Variants in ZNF484 observed in about 807,000 individuals in gnomAD.
ZNF484 encodes KRAB box containing C2H2 type zinc finger bA526D8.4.
Under a neutral mutation model 12.9 loss-of-function variants are expected in ZNF484, and 11 were observed. The ratio of observed to expected loss-of-function variants is 0.85; its 90% CI spans 0.54 to 1.41. The LOEUF (loss-of-function observed/expected upper bound fraction) is 1.41. Among genes scored for constraint, ZNF484 ranks in the 40% most tolerant of loss-of-function variants. ZNF484 has a pLI of 0.00. For missense variants in ZNF484, 807 were observed against 1,007.7 expected, an observed-to-expected ratio of 0.80 and a Z score of 2.70; for synonymous variants, 289 against 334.1, an observed-to-expected ratio of 0.86 and a Z score of 1.47.
rs923208827 is a variant in ZNF484 at position 92,844,377 on chromosome 9, G to T, written c.*1851C>A. 3.3e-5 allele frequency among the ~76,000 whole-genome samples: 5 copies of T among 152,034 alleles called. No homozygotes were observed. The highest frequency in any genetic ancestry group is 1.2e-4 in the African/African-American group (5 of 41,400). The stretch of plus-strand genomic sequence containing the variant: ...CATAATTTGAATAGATAATAGCTAG[G>T]AATTTCCCCAAATGCACATGTGCAC... On this transcript the variant is annotated 3_prime_UTR_variant, in exon 5 of 5. Transcript: ENST00000375495.
chr9:92,868,315 G>C (rs1204737700), intron 2 of ZNF484, among the ~76,000 whole-genome samples: 1 of 152,146 alleles, frequency 6.6e-6, no homozygotes, highest in East Asian at 1.9e-4. Flanking sequence ...ACTCCAAGAG[G>C]AGTTTCTTTA....
chr9:92,847,677 G>C lies in ZNF484; in HGVS notation c.1110C>G (p.Asn370Lys), dbSNP rs375022929. Residue 370 changes from asparagine (N) to lysine (K), a missense_variant, in exon 5 of 5, where the codon AAC becomes AAG. By Grantham distance (94) the Asn-to-Lys change is moderately conservative (BLOSUM62 0). Transcript: ENST00000375495. ...TATGAATTTTTTTATGTATATTAAG[G>C]TTTGAATTCTGAGGGAGGTTTTTCT... Reference protein sequence around the residue: ...ECEKNLPQNSNLNIHKKIHTG... With the variant: ...ECEKNLPQNSKLNIHKKIHTG... 6 of 1,613,246 alleles carry C rather than the reference G, an allele frequency of 3.7e-6. No homozygotes were observed. The highest frequency in any genetic ancestry group is 5.1e-6 in the Non-Finnish European group (6 of 1,179,932).
intron 2 of ZNF484, among the ~76,000 whole-genome samples, chr9:92,859,923 A>T (rs1311917364): frequency 6.6e-6 from 1 of 151,206 alleles, no homozygotes; most frequent in Admixed American, 6.6e-5. Flanking sequence ...TATGGACAGC[A>T]CTTACTTCTC....
intron 2 of ZNF484, chr9:92,862,047 G>T: frequency 3.5e-6 from 2 of 563,404 alleles, no homozygotes; most frequent in Non-Finnish European, 4.5e-6. Context: ...TTCAAGTGCT[G>T]AAGAGAAAGA....
chr9:92,875,346 T>C (rs1372815791), intron 1 of ZNF484, among the ~76,000 whole-genome samples: 2 of 152,234 alleles, frequency 1.3e-5, no homozygotes, highest in Non-Finnish European at 2.9e-5. Context: ...TCTATTACGT[T>C]ATTATACTAT....
intron 2 of ZNF484, among the ~76,000 whole-genome samples, chr9:92,870,992 A>G (rs1857396585): frequency 6.6e-6 from 1 of 152,222 alleles, no homozygotes; most frequent in African/African-American, 2.4e-5. Context: ...AGAGGACTCA[A>G]ATAAGATCTA....
At chr9:92,862,741 T>C (rs1856848198) in intron 2 of ZNF484, among the ~76,000 whole-genome samples, 1 of 152,148 alleles carries the variant, frequency 6.6e-6, no homozygotes, top group Non-Finnish European at 1.5e-5. Flanking sequence ...GAAAAGATTA[T>C]TAGATTTATG....
chr9:92,870,568 G>A lies in ZNF484; in HGVS notation c.15+4447C>T, dbSNP rs559523568. ...TTTCATCTCTGCACAGTGGTAATGG[G>A]TAGCTTTCTTGCCATGCCAGTGGGA... On this transcript the variant is annotated intron_variant, in intron 2 of 4. Coordinates refer to ENST00000375495, the MANE Select transcript of ZNF484 (RefSeq NM_031486.4). Among the ~76,000 whole-genome samples the A allele has an allele frequency of 2.6e-5, 4 of 152,306 alleles. No individual in the cohort carries two copies. In the East Asian group the frequency reaches 7.7e-4, roughly 29 times the overall value.
chr9:92,860,019 G>A (rs1235667656), intron 2 of ZNF484, among the ~76,000 whole-genome samples: 4 of 152,136 alleles, frequency 2.6e-5, no homozygotes, highest in African/African-American at 9.7e-5. Context: ...AGTTTTTACT[G>A]AGACTTGATC....
At chr9:92,876,095 T>A (rs1199163248) in intron 1 of ZNF484, among the ~76,000 whole-genome samples, 1 of 152,106 alleles carries the variant, frequency 6.6e-6, no homozygotes, top group Admixed American at 6.6e-5. Flanking sequence ...AAATCTTGAA[T>A]AGGAAAATAT....
At chr9:92,877,504 T>A (rs1857894530) in intron 1 of ZNF484, among the ~76,000 whole-genome samples, 1 of 152,128 alleles carries the variant, frequency 6.6e-6, no homozygotes, top group Admixed American at 6.5e-5. Flanking sequence ...GCAAAATATA[T>A]CATTATAATG....
chr9:92,871,999 T>A (rs1405807728), intron 2 of ZNF484, among the ~76,000 whole-genome samples: 1 of 151,992 alleles, frequency 6.6e-6, no homozygotes. Context: ...GGAGGGCCAA[T>A]GCGGGCGGAT....
At position 92,877,794 on chromosome 9, in the gene ZNF484, A is replaced by C. The variant is rs1241978208; in HGVS notation, c.-31+96T>G. 5.9e-6 allele frequency: 9 copies of C among 1,535,474 alleles called. No homozygotes were observed. In the South Asian group the frequency reaches 1.1e-4, roughly 18 times the overall value. On this transcript the variant is annotated intron_variant, in intron 1 of 4. Coordinates refer to ENST00000375495, the MANE Select transcript of ZNF484 (RefSeq NM_031486.4). ...AGATCGCTCCGACTTCCACTATTCC[A>C]TCCACTGACCGACCCCATCACTGAC...
chr9:92,862,252 T>C (rs1245534813), intron 2 of ZNF484: 7 of 509,052 alleles, frequency 1.4e-5, no homozygotes, highest in Non-Finnish European at 1.8e-5. Context: ...ACCTGCCATA[T>C]ATTTACTAAG....
chr9:92,856,926 G>A (rs1587742462), intron 2 of ZNF484, among the ~76,000 whole-genome samples: 1 of 152,232 alleles, frequency 6.6e-6, no homozygotes, highest in South Asian at 2.1e-4. Context: ...GGGTTTCACC[G>A]TGTTAGCCAG....
chr9:92,862,248 C>T (rs1856823869), intron 2 of ZNF484: 1 of 516,054 alleles, frequency 1.9e-6, no homozygotes, highest in South Asian at 8.5e-5. Context: ...AATTACCTGC[C>T]ATATATTTAC....
In ZNF484 at chr9:92,877,816, T is replaced by A. The variant is rs944621390; in HGVS notation, c.-31+74A>T. On this transcript the variant is annotated intron_variant, in intron 1 of 4. Transcript: ENST00000375495. The stretch of plus-strand genomic sequence containing the variant: ...TCCATCCACTGACCGACCCCATCAC[T>A]GACCGGAAGGCTCAGGACAGACATC... 2.0e-6 allele frequency: 3 copies of A among 1,535,706 alleles called. No homozygotes were observed. The African/African-American group carries it at 4.1e-5, about 21-fold the overall frequency.
At chr9:92,856,099 C>T (rs1856432044) in intron 3 of ZNF484, 93 bp downstream of exon 3, 2 of 1,541,982 alleles carry the variant, frequency 1.3e-6, no homozygotes, top group Admixed American at 1.9e-5. Flanking sequence ...GTCCCACATA[C>T]CTCAGAAAAC....
Position 92,845,555 on chromosome 9 carries a change from G to A in ZNF484, c.*673C>T, listed in dbSNP as rs1027255716. 1 of 152,118 alleles carries A rather than the reference G, an allele frequency of 6.6e-6. No individual in the cohort carries two copies. The highest frequency in any genetic ancestry group is 6.6e-5 in the Admixed American group (1 of 15,256). 9.4% of individuals were successfully genotyped at this position (152,118 alleles called of 1,614,324 possible). Reference sequence around the variant, plus strand: ...CTTAATTTGTCCTATTTTTCAAACAGGAGTTGGTAACAACAACATCAAAAA... The same window carrying A: ...CTTAATTTGTCCTATTTTTCAAACAAGAGTTGGTAACAACAACATCAAAAA... On this transcript the variant is annotated 3_prime_UTR_variant, in exon 5 of 5. Transcript: ENST00000375495. This position sits in a 1 kb window ranked among gnomAD's most constrained non-coding sequence, Gnocchi z 4.0.
Sources: allele counts gnomAD v4.1 joint callset (sites outside exome capture counted in the v4.1 genomes callset), GRCh38; gene constraint gnomAD v4.1.1; non-coding constraint Gnocchi (gnomAD v3.1); transcripts MANE v1.5; gene names NCBI Gene and HGNC (gene_info 2026-07-23, HGNC 2026-07-21).